TOP2B: variants seen among roughly 807,000 people sequenced by gnomAD.
TOP2B encodes the protein DNA topoisomerase 2-beta.
TOP2B carries 51 observed loss-of-function variants against 193.5 expected under a neutral mutation model. The observed-to-expected ratio is 0.26, with a 90% CI of 0.21 to 0.33. TOP2B has a LOEUF of 0.33. Ranked by LOEUF, TOP2B falls within the 10% of genes least tolerant of loss-of-function variation. The pLI is 1.00. For synonymous variants in TOP2B, 634 were observed against 635.7 expected (o/e 1.00, Z 0.04); for missense variants, 1,378 against 1,909.3 (o/e 0.72, Z 5.19).
At chr3:25,648,336 A>T (rs1311560646) in intron 1 of TOP2B, among the ~76,000 whole-genome samples, 1 of 152,190 alleles carries the variant, frequency 6.6e-6, no homozygotes, top group Non-Finnish European at 1.5e-5. Context: ...AGATGGACAG[A>T]GGCAAACCTC....
intron 23 of TOP2B, among the ~76,000 whole-genome samples, chr3:25,619,270 C>T (rs916887282): frequency 6.7e-6 from 1 of 149,542 alleles, no homozygotes; most frequent in African/African-American, 2.6e-5. Flanking sequence ...CTCTCGCTTT[C>T]ACATTTACTT....
intron 3 of TOP2B, 81 bp downstream of exon 3, chr3:25,643,612 TG>T: frequency 1.0e-6 from 1 of 996,016 alleles, no homozygotes; most frequent in Non-Finnish European, 1.5e-6. Flanking sequence ...AAATTTATAC[TG>T]GTTAAGTCTG....
At chr3:25,615,398 G>GT (rs1284732940) in intron 26 of TOP2B, 33 bp downstream of exon 26, 1 of 1,532,656 alleles carries the variant, frequency 6.5e-7, no homozygotes, top group African/African-American at 1.4e-5. Flanking sequence ...CACTGAAATA[G>GT]TTTCAAACTA....
Position 25,636,151 on chromosome 3 carries a change from T to A in TOP2B, c.640-3A>T, listed in dbSNP as rs773573184. 7 of 1,547,962 alleles carry A rather than the reference T, an allele frequency of 4.5e-6. No homozygotes were observed. The highest frequency in any genetic ancestry group is 5.2e-6 in the Non-Finnish European group (6 of 1,143,742). On this transcript the variant is annotated splice_region_variant and splice_polypyrimidine_tract_variant and intron_variant, in intron 6 of 35. Transcript: ENST00000264331. ...TTCATCATATTATTCATCCATGTCTTTAAAAGAAAAAAATTCAAATATTTC... is the reference window on the plus strand; with the variant it reads ...TTCATCATATTATTCATCCATGTCTATAAAAGAAAAAAATTCAAATATTTC...
At chr3:25,650,711 T>C (rs866071811) in intron 1 of TOP2B, among the ~76,000 whole-genome samples, 66 of 152,240 alleles carry the variant, frequency 4.3e-4, no homozygotes, top group African/African-American at 1.6e-3. Context: ...GGCATGAACA[T>C]GATTAATCTT....
At chr3:25,605,358 A>C (rs1464088771) in intron 32 of TOP2B, among the ~76,000 whole-genome samples, 1 of 152,128 alleles carries the variant, frequency 6.6e-6, no homozygotes, top group African/African-American at 2.4e-5. Flanking sequence ...TTACTCTTGC[A>C]CTCAAATTAG....
At position 25,606,109 on chromosome 3, in the gene TOP2B, C is replaced by T; in HGVS notation, c.4312G>A (p.Asp1438Asn). Residue 1438 changes from aspartate (D) to asparagine (N), a missense_variant, in exon 32 of 36, where the codon GAC becomes AAC. Physicochemically the swap from Asp to Asn is conservative, Grantham distance 23 (BLOSUM62 1). Coordinates refer to ENST00000264331, the MANE Select transcript of TOP2B (RefSeq NM_001330700.2). ...TTTCCAAAATCCTGACTTTTTTTGT[C>T]ATGCAAAGATTTTCTATTAGAAAGA... Reference protein sequence around the residue: ...SKATPEKSLHDKKSQDFGNLF... With the variant: ...SKATPEKSLHNKKSQDFGNLF... 6.7e-7 allele frequency: 1 copy of T among 1,491,702 alleles called. No homozygotes were observed. The highest frequency in any genetic ancestry group is 9.0e-7 in the Non-Finnish European group (1 of 1,107,502). 92.4% of individuals were successfully genotyped at this position (1,491,702 alleles called of 1,614,324 possible). A position where few individuals can be genotyped will look rare whatever the true frequency, so the allele number is the denominator to read the frequency against.
At chr3:25,628,979 G>A (rs976581740) in intron 14 of TOP2B, 27 bp from the exon 15 acceptor site, 1 of 1,582,420 alleles carries the variant, frequency 6.3e-7, no homozygotes, top group South Asian at 1.2e-5. Flanking sequence ...AACAAAATTA[G>A]TTTTTCTGCT....
At chr3:25,626,991 T>A in intron 16 of TOP2B, 127 bp from the exon 17 acceptor site, 1 of 729,474 alleles carries the variant, frequency 1.4e-6, no homozygotes, top group Non-Finnish European at 2.2e-6. Context: ...TACAATATTT[T>A]AATCAAAAAC....
Position 25,630,024 on chromosome 3 carries a change from C to A in TOP2B, c.1689+5G>T. 6.3e-7 allele frequency: 1 copy of A among 1,586,148 alleles called. No individual in the cohort carries two copies. Among genetic ancestry groups the A allele is most frequent in the South Asian group, 1.2e-5 (1 of 85,258 alleles). ...TTTGAAATATGTGGTAACTTTAAAA[C>A]CAACCTGATCGGTCATAATCATAAT... On this transcript the variant is annotated splice_donor_5th_base_variant and intron_variant, in intron 13 of 35. Transcript: ENST00000264331.
rs755428486 is a variant in TOP2B at position 25,606,095 on chromosome 3, C to T, written c.4326G>A (p.Gln1442=). ...GAAATGAGAAGAGATTTCCAAAATC[C>T]TGACTTTTTTTGTCATGCAAAGATT... is the stretch of plus-strand genomic sequence containing the variant. ...PEKSLHDKKS[Q]DFGNLFSFPS... Residue 1442 remains glutamine, a synonymous_variant, in exon 32 of 36, where the codon CAG becomes CAA. Coordinates refer to ENST00000264331, the MANE Select transcript of TOP2B (RefSeq NM_001330700.2). 9 of 1,506,668 alleles carry T rather than the reference C, an allele frequency of 6.0e-6. No individual in the cohort carries two copies. The highest frequency in any genetic ancestry group is 7.1e-6 in the Non-Finnish European group (8 of 1,119,006). 93.3% of individuals were successfully genotyped at this position (1,506,668 alleles called of 1,614,324 possible).
intron 15 of TOP2B, 96 bp downstream of exon 15, chr3:25,628,751 T>A: frequency 1.4e-6 from 1 of 739,712 alleles, no homozygotes; most frequent in Non-Finnish European, 2.1e-6. Flanking sequence ...ATTTTCGAAG[T>A]CTAAAATAGT....
intron 24 of TOP2B, 62 bp from the exon 25 acceptor site, chr3:25,618,571 T>C (rs1046444414): frequency 5.4e-5 from 83 of 1,537,458 alleles, no homozygotes; most frequent in Non-Finnish European, 6.6e-5. Context: ...TTTGCTTATA[T>C]TCTACTGATA....
chr3:25,627,826 T>C (rs1387483993), intron 15 of TOP2B, among the ~76,000 whole-genome samples: 1 of 151,862 alleles, frequency 6.6e-6, no homozygotes, highest in Non-Finnish European at 1.5e-5. Context: ...TCCCAGCACT[T>C]TGGGAGGCTG....
intron 33 of TOP2B, among the ~76,000 whole-genome samples, chr3:25,604,366 C>T (rs1702181739): frequency 6.6e-6 from 1 of 152,166 alleles, no homozygotes; most frequent in East Asian, 1.9e-4. Flanking sequence ...AGCTGCATGA[C>T]TCACATAGAA....
rs192711270 is a variant in TOP2B, at chr3:25,631,577, A to G, written c.1267-638T>C. The stretch of plus-strand genomic sequence containing the variant: ...TTATCATCCTCGGTGATTTGATGTT[A>G]GGTGTATAAAACAGTTTTCTGGAAT... On this transcript the variant is annotated intron_variant, in intron 10 of 35. Transcript: ENST00000264331. Among the ~76,000 whole-genome samples the G allele has an allele frequency of 2.2e-3, 337 of 152,166 alleles. 2 individuals are homozygous for G. The highest frequency in any genetic ancestry group is 3.2e-3 in the Non-Finnish European group (218 of 67,908).
intron 18 of TOP2B, 82 bp downstream of exon 18, chr3:25,626,478 G>T: frequency 2.7e-6 from 2 of 730,144 alleles, no homozygotes; most frequent in Non-Finnish European, 4.3e-6. Flanking sequence ...ATTTTAATAT[G>T]TATCATAAGG....
chr3:25,603,285 C>A (rs1702154149), intron 33 of TOP2B, among the ~76,000 whole-genome samples: 1 of 152,176 alleles, frequency 6.6e-6, no homozygotes, highest in African/African-American at 2.4e-5. Context: ...ACCGTCCAGG[C>A]TGGAGTGCAG....
intron 33 of TOP2B, among the ~76,000 whole-genome samples, chr3:25,604,097 A>T (rs1333025511): frequency 6.6e-6 from 1 of 152,202 alleles, no homozygotes; most frequent in African/African-American, 2.4e-5. Flanking sequence ...CATTCAATAC[A>T]TGTGTCTGTA....
Sources: allele counts gnomAD v4.1 joint callset (sites outside exome capture counted in the v4.1 genomes callset), GRCh38; gene constraint gnomAD v4.1.1; transcripts MANE v1.5; gene names NCBI Gene and HGNC (gene_info 2026-07-23, HGNC 2026-07-21).